The following NLGN1 variants were observed in gnomAD, a reference collection of about 807,000 sequenced individuals.
NLGN1 encodes the protein neuroligin 1.
Under a neutral mutation model 65.5 loss-of-function variants are expected in NLGN1, and 12 were observed. The observed-to-expected ratio is 0.18, with a 90% CI of 0.12 to 0.30. The LOEUF (loss-of-function observed/expected upper bound fraction) is 0.30, where lower values mean the gene tolerates loss of function less well. NLGN1 is among the 10% of genes least tolerant of loss of function. The pLI, the probability that NLGN1 is intolerant of heterozygous loss-of-function variation, is 1.00. For missense variants in NLGN1, 750 were observed against 1,007.1 expected (o/e 0.74, Z 3.46); for synonymous variants, 350 against 359.5 (o/e 0.97, Z 0.30).
At chr3:174,241,422 G>A (rs1461724161) in intron 4 of NLGN1, among the ~76,000 whole-genome samples, 2 of 151,382 alleles carry the variant, frequency 1.3e-5, no homozygotes. Flanking sequence ...CCAATTAGGT[G>A]TGTTGACCTT....
chr3:173,681,254 AGCTAAGGT>A (rs1763904297), intron 3 of NLGN1, among the ~76,000 whole-genome samples: 1 of 152,124 alleles, frequency 6.6e-6, no homozygotes, highest in South Asian at 2.1e-4. Context: ...GTTTTTTCCA[AGCTAAGGT>A]AACAAAATGA....
At chr3:173,850,342 T>C (rs1726663221) in intron 4 of NLGN1, among the ~76,000 whole-genome samples, 1 of 152,138 alleles carries the variant, frequency 6.6e-6, no homozygotes, top group African/African-American at 2.4e-5. Flanking sequence ...TTCAATAACA[T>C]ACAATAACTA....
At chr3:173,516,452 A>C (rs1733829525) in intron 2 of NLGN1, among the ~76,000 whole-genome samples, 1 of 152,006 alleles carries the variant, frequency 6.6e-6, no homozygotes, top group African/African-American at 2.4e-5. Flanking sequence ...CTCTTCCTGA[A>C]CTTTTTGTAT....
intron 4 of NLGN1, among the ~76,000 whole-genome samples, chr3:173,903,949 CT>C (rs1373810139): frequency 6.6e-6 from 1 of 151,834 alleles, no homozygotes; most frequent in Non-Finnish European, 1.5e-5. Flanking sequence ...TCAGAAGGCT[CT>C]TCTTTTTTTT....
At chr3:173,684,186 A>G (rs1764361777) in intron 3 of NLGN1, among the ~76,000 whole-genome samples, 1 of 152,292 alleles carries the variant, frequency 6.6e-6, no homozygotes, top group Admixed American at 6.5e-5. Context: ...AAAAAAAATC[A>G]TTTGCTTTTG....
chr3:173,750,105 C>T (rs1776106797), intron 3 of NLGN1, among the ~76,000 whole-genome samples: 1 of 152,050 alleles, frequency 6.6e-6, no homozygotes, highest in South Asian at 2.1e-4. Flanking sequence ...CATAGGCTTC[C>T]TTCCCTGGTG....
chr3:174,136,972 G>C (rs1463999951), intron 4 of NLGN1, among the ~76,000 whole-genome samples: 1 of 152,050 alleles, frequency 6.6e-6, no homozygotes, highest in African/African-American at 2.4e-5. Flanking sequence ...ACATAGCTTA[G>C]CCTAGCCTAT....
intron 2 of NLGN1, among the ~76,000 whole-genome samples, chr3:173,522,016 C>T (rs1179903246): frequency 1.3e-5 from 2 of 152,148 alleles, no homozygotes; most frequent in African/African-American, 4.8e-5. Flanking sequence ...ACTAGAAGCC[C>T]AATCCCCACC....
intron 4 of NLGN1, among the ~76,000 whole-genome samples, chr3:173,954,668 G>A (rs1711549768): frequency 1.3e-5 from 2 of 152,030 alleles, no homozygotes; most frequent in Non-Finnish European, 2.9e-5. Context: ...TGATTAGGTA[G>A]AACTGACTAT....
rs920666346 is a variant in NLGN1 at position 173,898,571 on chromosome 3, C to T, written c.646+90739C>T. Among the ~76,000 whole-genome samples the T allele has an allele frequency of 2.0e-5, 3 of 152,190 alleles. No homozygotes were observed. In the East Asian group the frequency reaches 5.8e-4, roughly 29 times the overall value. On this transcript the variant is annotated intron_variant, in intron 4 of 6. Coordinates refer to ENST00000457714, the Ensembl canonical transcript of NLGN1. Reference sequence around the variant, plus strand: ...TACTGGTATGGCATGTTAACATACACACAACTTCTATAACAATGTAGTAGC... The same window carrying T: ...TACTGGTATGGCATGTTAACATACATACAACTTCTATAACAATGTAGTAGC...
chr3:173,855,304 T>A (rs572673802), intron 4 of NLGN1, among the ~76,000 whole-genome samples: 1 of 152,280 alleles, frequency 6.6e-6, no homozygotes, highest in East Asian at 1.9e-4. Flanking sequence ...GCACTCATGC[T>A]TTTTTCTAGA....
intron 4 of NLGN1, among the ~76,000 whole-genome samples, chr3:173,894,638 T>C (rs1203704842): frequency 6.6e-6 from 1 of 150,924 alleles, no homozygotes; most frequent in Non-Finnish European, 1.5e-5. Context: ...TTTTTCTTTT[T>C]TTTTTTTTTT....
At chr3:173,938,846 G>A (rs1451563905) in intron 4 of NLGN1, among the ~76,000 whole-genome samples, 1 of 151,964 alleles carries the variant, frequency 6.6e-6, no homozygotes, top group Non-Finnish European at 1.5e-5. Flanking sequence ...TATGACAGAT[G>A]TCCTTAGTGG....
At chr3:173,475,554 T>C (rs1560306255) in intron 2 of NLGN1, among the ~76,000 whole-genome samples, 1 of 152,190 alleles carries the variant, frequency 6.6e-6, no homozygotes, top group Non-Finnish European at 1.5e-5. Flanking sequence ...TTTTTTCTTA[T>C]AATTCTAACA....
rs1388556441 is a variant in NLGN1, at chr3:174,033,068, C to T, written c.646+225236C>T. On this transcript the variant is annotated intron_variant, in intron 4 of 6. Coordinates refer to ENST00000457714, the Ensembl canonical transcript of NLGN1. ...GAATCACTAGTGAAGGTCACAACCT[C>T]GAGACAGCCCACCAAAGAACTGAGA... is the stretch of plus-strand genomic sequence containing the variant. Among the ~76,000 whole-genome samples, 4 of 152,034 alleles carry T rather than the reference C, an allele frequency of 2.6e-5. No individual in the cohort carries two copies. The East Asian group carries it at 7.7e-4, about 29-fold the overall frequency.
intron 3 of NLGN1, among the ~76,000 whole-genome samples, chr3:173,803,841 G>T (rs533841105): frequency 1.0e-3 from 152 of 152,032 alleles, no homozygotes; most frequent in African/African-American, 3.5e-3. Context: ...TTATAATAGA[G>T]AAAGATTTAA....
At chr3:173,720,659 G>A (rs111453625) in intron 3 of NLGN1, among the ~76,000 whole-genome samples, 2,375 of 152,204 alleles carry the variant, frequency 0.016, 68 homozygotes, top group African/African-American at 0.055. Flanking sequence ...TATTTGTATT[G>A]CTATGTGAAT....
chr3:173,785,104 G>A (rs1317422708), intron 3 of NLGN1, among the ~76,000 whole-genome samples: 2 of 152,092 alleles, frequency 1.3e-5, no homozygotes, highest in Non-Finnish European at 2.9e-5. Flanking sequence ...ACAACAAGAA[G>A]AATCAGACTT....
rs144717126 is a variant in NLGN1 at position 173,549,294 on chromosome 3, CAT to C, written c.-320-54982_-320-54981del. ...ATAGCTTCCTAGAGTGTTATTACAA[CAT>C]ATTTACAAGTTCTAAATATTCTTTA... On this transcript the variant is annotated intron_variant, in intron 2 of 6. Coordinates refer to ENST00000457714, the Ensembl canonical transcript of NLGN1. Among the ~76,000 whole-genome samples the C allele has an allele frequency of 5.6e-3, 846 of 152,076 alleles. 10 individuals are homozygous for C. Among genetic ancestry groups the C allele is most frequent in the African/African-American group, 0.019 (802 of 41,564 alleles).
Sources: gnomAD v4.1 joint callset for allele counts (sites outside exome capture counted in the v4.1 genomes callset) on GRCh38, gnomAD v4.1.1 for gene constraint, MANE v1.5 for transcripts, NCBI Gene and HGNC (gene_info 2026-07-23, HGNC 2026-07-21) for gene names.